Variants in GRIA1 observed in about 807,000 individuals in gnomAD.
GRIA1 encodes glutamate ionotropic receptor AMPA type subunit 1, also known as glutamate receptor 1.
In GRIA1, 31 loss-of-function variants were observed where a neutral mutation model predicts 99.2. That is an observed-to-expected ratio of 0.31 (90% CI 0.23 to 0.42). The LOEUF (loss-of-function observed/expected upper bound fraction) is 0.42. Ranked by LOEUF, GRIA1 falls within the 10% of genes least tolerant of loss-of-function variation. The pLI is 1.00. For missense variants in GRIA1, 782 were observed against 1,157.5 expected (o/e 0.68, Z 4.71); for synonymous variants, 438 against 432.4 (o/e 1.01, Z -0.16).
intron 2 of GRIA1, among the ~76,000 whole-genome samples, chr5:153,499,135 A>C (rs1289279052): frequency 3.3e-5 from 5 of 152,200 alleles, no homozygotes; most frequent in African/African-American, 9.7e-5. Flanking sequence ...TGTGCCAAAT[A>C]CTTTGCAGAT....
intron 11 of GRIA1, among the ~76,000 whole-genome samples, chr5:153,759,898 A>G (rs961036291): frequency 2.0e-5 from 3 of 152,146 alleles, no homozygotes; most frequent in Non-Finnish European, 2.9e-5. Context: ...CAACATATTC[A>G]AATCAATAAA....
At chr5:153,627,806 G>A (rs541608440) in intron 2 of GRIA1, among the ~76,000 whole-genome samples, 6 of 152,308 alleles carry the variant, frequency 3.9e-5, no homozygotes, top group African/African-American at 1.4e-4. Context: ...GAAAAAGTAC[G>A]CCAGAAAAGT....
intron 2 of GRIA1, among the ~76,000 whole-genome samples, chr5:153,566,477 T>G (rs1761636756): frequency 6.6e-6 from 1 of 150,458 alleles, no homozygotes; most frequent in Non-Finnish European, 1.5e-5. Flanking sequence ...CTAATTTTTT[T>G]GCATTTTTAG....
intron 5 of GRIA1, among the ~76,000 whole-genome samples, chr5:153,671,817 A>G (rs188396022): frequency 1.3e-5 from 2 of 152,344 alleles, no homozygotes; most frequent in East Asian, 3.9e-4. Context: ...AAGACAAAAA[A>G]GGTTCCTGCT....
intron 7 of GRIA1, among the ~76,000 whole-genome samples, chr5:153,680,722 T>C (rs1287518225): frequency 2.0e-5 from 3 of 152,108 alleles, no homozygotes; most frequent in Non-Finnish European, 4.4e-5. Context: ...GGGTGGGCAA[T>C]GGAGTTTAAG....
chr5:153,565,507 A>G (rs1429431308), intron 2 of GRIA1, among the ~76,000 whole-genome samples: 3 of 152,198 alleles, frequency 2.0e-5, no homozygotes, highest in African/African-American at 7.2e-5. Flanking sequence ...ATTTTTTAGT[A>G]TATTCACAGA....
At chr5:153,748,237 G>A (rs1762283978) in intron 11 of GRIA1, among the ~76,000 whole-genome samples, 1 of 152,154 alleles carries the variant, frequency 6.6e-6, no homozygotes, top group Non-Finnish European at 1.5e-5. Context: ...TACTTAGAGT[G>A]GTGCATATGA....
chr5:153,777,073 G>A (rs1251381563), intron 13 of GRIA1, among the ~76,000 whole-genome samples: 1 of 152,178 alleles, frequency 6.6e-6, no homozygotes, highest in African/African-American at 2.4e-5. Context: ...ACTTCGGTGT[G>A]TATCAAAATT....
intron 11 of GRIA1, among the ~76,000 whole-genome samples, chr5:153,711,659 A>G (rs1332813930): frequency 6.6e-6 from 1 of 152,166 alleles, no homozygotes; most frequent in Non-Finnish European, 1.5e-5. Flanking sequence ...GCCCAGTCCA[A>G]TGCTACCCTA....
intron 7 of GRIA1, among the ~76,000 whole-genome samples, chr5:153,680,523 A>G (rs1270650259): frequency 6.6e-6 from 1 of 152,138 alleles, no homozygotes; most frequent in Admixed American, 6.6e-5. Context: ...TACATACATA[A>G]TTTCTGCATG....
chr5:153,500,206 T>C (rs1010580203), intron 2 of GRIA1, among the ~76,000 whole-genome samples: 15 of 152,216 alleles, frequency 9.9e-5, no homozygotes, highest in Admixed American at 8.5e-4. Flanking sequence ...CTTACTGCTC[T>C]CCTCTCAGCC....
At chr5:153,560,761 G>A (rs1157870608) in intron 2 of GRIA1, among the ~76,000 whole-genome samples, 7 of 152,174 alleles carry the variant, frequency 4.6e-5, no homozygotes, top group Non-Finnish European at 7.3e-5. Context: ...GAGGCTTTGG[G>A]CATAAGCTAT....
At chr5:153,689,059 C>T (rs1402821222) in intron 8 of GRIA1, among the ~76,000 whole-genome samples, 1 of 151,396 alleles carries the variant, frequency 6.6e-6, no homozygotes, top group East Asian at 1.9e-4. Flanking sequence ...GGCAGGGTCT[C>T]GCTCTCTTGC....
chr5:153,492,050 A>G (rs1399521107), intron 1 of GRIA1: 7 of 1,070,154 alleles, frequency 6.5e-6, no homozygotes, highest in Non-Finnish European at 6.4e-6. Context: ...TGTGTTTGGA[A>G]GCATCTTCGT....
chr5:153,493,342 A>G (rs1313491035), intron 1 of GRIA1, among the ~76,000 whole-genome samples: 13 of 152,240 alleles, frequency 8.5e-5, no homozygotes, highest in Admixed American at 8.5e-4. Flanking sequence ...AGAGAAAATG[A>G]ATAATAAACC....
At chr5:153,761,639 A>G (rs950641806) in intron 11 of GRIA1, among the ~76,000 whole-genome samples, 15 of 152,206 alleles carry the variant, frequency 9.9e-5, no homozygotes, top group African/African-American at 3.4e-4. Context: ...TAAAACTACC[A>G]TATGATTCAA....
chr5:153,543,415 G>A (rs879344983), intron 2 of GRIA1, among the ~76,000 whole-genome samples: 4 of 152,120 alleles, frequency 2.6e-5, no homozygotes, highest in African/African-American at 4.8e-5. Context: ...TTTTAGATAT[G>A]GCCAGTACTC....
intron 2 of GRIA1, among the ~76,000 whole-genome samples, chr5:153,545,305 GA>G (rs1296134127): frequency 6.6e-6 from 1 of 152,118 alleles, no homozygotes; most frequent in Non-Finnish European, 1.5e-5. Flanking sequence ...AGAGGTTGTA[GA>G]AAAAAGTTAA....
chr5:153,722,505 T>C (rs1760149237), intron 11 of GRIA1, among the ~76,000 whole-genome samples: 1 of 152,192 alleles, frequency 6.6e-6, no homozygotes, highest in Non-Finnish European at 1.5e-5. Flanking sequence ...AGGGTCAAGA[T>C]TTTTTGTTTG....
Sources: allele counts gnomAD v4.1 joint callset (sites outside exome capture counted in the v4.1 genomes callset), GRCh38; gene constraint gnomAD v4.1.1; transcripts MANE v1.5; gene names NCBI Gene and HGNC (gene_info 2026-07-23, HGNC 2026-07-21).